MYH15: variants seen among roughly 807,000 people sequenced by gnomAD.
MYH15 encodes myosin heavy chain 15.
In MYH15, 227 loss-of-function variants were observed where a neutral mutation model predicts 240.5. The ratio of observed to expected loss-of-function variants is 0.94; its 90% confidence interval spans 0.85 to 1.05. The LOEUF (loss-of-function observed/expected upper bound fraction) is 1.05. Ranked by LOEUF, MYH15 falls within the 50% of genes least tolerant of loss-of-function variation. The probability of loss-of-function intolerance (pLI) is 0.00; values close to 1 mark genes in which losing one functional copy is unlikely to be tolerated. For synonymous variants in MYH15, 785 were observed against 796.7 expected, an observed-to-expected ratio of 0.99 and a Z score of 0.25; for missense variants, 2,217 against 2,247.5, an observed-to-expected ratio of 0.99 and a Z score of 0.27.
intron 14 of MYH15, among the ~76,000 whole-genome samples, chr3:108,467,988 T>C (rs528622868): frequency 1.3e-5 from 2 of 151,514 alleles, no homozygotes; most frequent in African/African-American, 2.4e-5. Context: ...TTTTTTGAGA[T>C]AGAATCTCAC....
At chr3:108,494,928 TTCTA>T (rs1384914748) in intron 7 of MYH15, among the ~76,000 whole-genome samples, 20 of 152,184 alleles carry the variant, frequency 1.3e-4, no homozygotes, top group African/African-American at 4.6e-4. Context: ...TCCCCCAGCT[TTCTA>T]TCTTTCATAT....
chr3:108,413,710 G>C (rs1005406064), intron 30 of MYH15, among the ~76,000 whole-genome samples: 1 of 152,116 alleles, frequency 6.6e-6, no homozygotes, highest in African/African-American at 2.4e-5. Context: ...GGTGGCCTGG[G>C]GATGATTTCT....
intron 16 of MYH15, among the ~76,000 whole-genome samples, chr3:108,461,465 G>A (rs961988948): frequency 6.6e-6 from 1 of 152,050 alleles, no homozygotes; most frequent in Admixed American, 6.6e-5. Context: ...TATTTTCAGA[G>A]GGTGCTTAAA....
At chr3:108,393,866 AT>A (rs35760214) in intron 36 of MYH15, among the ~76,000 whole-genome samples, 164 bp downstream of exon 36, 1 of 152,134 alleles carries the variant, frequency 6.6e-6, no homozygotes, top group African/African-American at 2.4e-5. Context: ...AATTGGCCTA[AT>A]TTTTCAAGAT....
Position 108,444,667 on chromosome 3 carries a change from T to A in MYH15, c.2628A>T (p.Lys876Asn). ...KAKQVSLTQE[K>N]NDLILQLQAE... ...CCTGAAGCTGAAGAATCAGGTCATTTTTTTCCTGAGTGAGGGATACTTGCT... is the reference window on the plus strand; with the variant it reads ...CCTGAAGCTGAAGAATCAGGTCATTATTTTCCTGAGTGAGGGATACTTGCT... The change falls in exon 22 of 41, where the codon AAA becomes AAT. Residue 876 changes from lysine (K) to asparagine (N), a missense_variant. Physicochemically the swap from Lys to Asn is moderately conservative, Grantham distance 94. Coordinates refer to ENST00000693548, the MANE Select transcript of MYH15 (RefSeq NM_014981.3). 6.2e-7 allele frequency: 1 copy of A among 1,614,044 alleles called. No individual in the cohort carries two copies. Among genetic ancestry groups the A allele is most frequent in the Admixed American group, 1.7e-5 (1 of 60,008 alleles).
intron 27 of MYH15, among the ~76,000 whole-genome samples, chr3:108,423,111 G>A (rs2082696548): frequency 6.6e-6 from 1 of 152,162 alleles, no homozygotes; most frequent in Admixed American, 6.5e-5. Context: ...CAAGGCCAGA[G>A]TCCCTGCTTG....
rs749555644 is a variant in MYH15 at position 108,398,804 on chromosome 3, T to C, written c.4966A>G (p.Asn1656Asp). The C allele has an allele frequency of 6.2e-7, 1 of 1,614,204 alleles. No homozygotes were observed. Among genetic ancestry groups the C allele is most frequent in the Middle Eastern group, 1.7e-4 (1 of 6,054 alleles). The change falls in exon 35 of 41, where the codon AAC becomes GAC. Residue 1656 changes from asparagine (N) to aspartate (D), a missense_variant. Asn to Asp is a conservative substitution (Grantham distance 23). Coordinates refer to ENST00000693548, the MANE Select transcript of MYH15 (RefSeq NM_014981.3). Reference sequence around the variant, plus strand: ...GCCACCTGCTCCTTCAGATCACTGTTCAGTTGTGTGCTGTCATCCAGCTGC... The same window carrying C: ...GCCACCTGCTCCTTCAGATCACTGTCCAGTTGTGTGCTGTCATCCAGCTGC... The part of the protein sequence containing the change: ...QMQLDDSTQL[N>D]SDLKEQVAVA...
chr3:108,544,674 T>A, the MYH15 span, among the ~76,000 whole-genome samples: 1 of 152,186 alleles, frequency 6.6e-6, no homozygotes, highest in African/African-American at 2.4e-5. Flanking sequence ...TTCAAATATT[T>A]ATTATTGAGT....
the MYH15 span, among the ~76,000 whole-genome samples, chr3:108,541,223 A>C: frequency 6.6e-6 from 1 of 152,018 alleles, no homozygotes; most frequent in Admixed American, 6.5e-5. Flanking sequence ...AGAAAAATAA[A>C]TGAGCAAGTG....
intron 5 of MYH15, 97 bp downstream of exon 5, chr3:108,499,358 A>G: frequency 8.0e-7 from 1 of 1,257,356 alleles, no homozygotes; most frequent in Non-Finnish European, 1.1e-6. Context: ...ATTAATTCAA[A>G]GATGGCGAAT....
At chr3:108,504,564 G>C (rs2083460453) in intron 2 of MYH15, among the ~76,000 whole-genome samples, 1 of 152,190 alleles carries the variant, frequency 6.6e-6, no homozygotes, top group Admixed American at 6.5e-5. Context: ...AATAATATCT[G>C]TTTGTTACAG....
At chr3:108,518,949 A>T (rs1352723165) in intron 1 of MYH15, among the ~76,000 whole-genome samples, 1 of 152,198 alleles carries the variant, frequency 6.6e-6, no homozygotes, top group Admixed American at 6.5e-5. Context: ...GGTCTGCAGC[A>T]CTCAGAGAAG....
At chr3:108,411,288 C>G (rs570360929) in intron 30 of MYH15, among the ~76,000 whole-genome samples, 34 of 152,204 alleles carry the variant, frequency 2.2e-4, no homozygotes, top group African/African-American at 8.2e-4. Context: ...TACTGAACAC[C>G]CTACCAACAG....
chr3:108,532,069 T>G (rs1273888861), upstream of MYH15, among the ~76,000 whole-genome samples: 3 of 152,108 alleles, frequency 2.0e-5, no homozygotes, highest in African/African-American at 4.8e-5. Context: ...GTTGAGCTTT[T>G]CTCAAGAAAG....
chr3:108,436,180 T>C lies in MYH15; in HGVS notation c.3221+1374A>G, dbSNP rs571707909. On this transcript the variant is annotated intron_variant, in intron 25 of 40. Transcript: ENST00000693548. ...AGTTTTATAATAAAGTTACAACTTT[T>C]TGAAAATATGGATTTCTAAAATGCT... 4.6e-5 allele frequency among the ~76,000 whole-genome samples: 7 copies of C among 151,894 alleles called. No individual in the cohort carries two copies. The East Asian group carries it at 1.4e-3, about 30-fold the overall frequency.
chr3:108,472,851 T>A (rs567828351), intron 12 of MYH15, among the ~76,000 whole-genome samples: 1 of 152,196 alleles, frequency 6.6e-6, no homozygotes, highest in East Asian at 1.9e-4. Context: ...GGAGAGGAAA[T>A]GAGGTGGCTA....
At chr3:108,417,788 TATATATATAC>T (rs930328325) in intron 28 of MYH15, among the ~76,000 whole-genome samples, 1 of 69,150 alleles carries the variant, frequency 1.4e-5, no homozygotes, top group African/African-American at 4.7e-5. Context: ...CAGGTATGTA[TATATATATAC>T]ACACACACAC....
intron 2 of MYH15, among the ~76,000 whole-genome samples, chr3:108,502,208 C>T (rs982123097): frequency 6.6e-6 from 1 of 152,188 alleles, no homozygotes; most frequent in East Asian, 1.9e-4. Flanking sequence ...TCCCAACACA[C>T]CTTGGAGATT....
At chr3:108,520,149 T>C (rs1405063178) in intron 1 of MYH15, among the ~76,000 whole-genome samples, 1 of 152,214 alleles carries the variant, frequency 6.6e-6, no homozygotes, top group East Asian at 1.9e-4. Context: ...GACTTGTCAA[T>C]ATAGTTTTCA....
Sources: allele counts gnomAD v4.1 joint callset (sites outside exome capture counted in the v4.1 genomes callset), GRCh38; gene constraint gnomAD v4.1.1; transcripts MANE v1.5; gene names NCBI Gene and HGNC (gene_info 2026-07-23, HGNC 2026-07-21).